Variants in DCAF6 observed in about 807,000 individuals in gnomAD.
DCAF6 encodes the protein DDB1- and CUL4-associated factor 6.
A neutral mutation model predicts 125.1 loss-of-function variants in DCAF6; 54 were observed. The ratio of observed to expected loss-of-function variants is 0.43; its 90% CI spans 0.35 to 0.54. The LOEUF (loss-of-function observed/expected upper bound fraction) is 0.54, where lower values mean the gene tolerates loss of function less well. Ranked by LOEUF, DCAF6 falls within the 20% of genes least tolerant of loss-of-function variation. The pLI, the probability that DCAF6 is intolerant of heterozygous loss-of-function variation, is 0.01. For synonymous variants in DCAF6, 371 were observed against 390.4 expected, an observed-to-expected ratio of 0.95 and a Z score of 0.58; for missense variants, 934 against 1,161.7, an observed-to-expected ratio of 0.80 and a Z score of 2.85.
intron 12 of DCAF6, among the ~76,000 whole-genome samples, chr1:168,036,373 C>A (rs138550377): frequency 0.019 from 2,831 of 152,286 alleles, 77 homozygotes; most frequent in African/African-American, 0.064. Context: ...GAAATTCAGT[C>A]TTACACTTCT....
chr1:168,013,986 G>A lies in DCAF6; in HGVS notation c.1379-1795G>A, dbSNP rs1202907340. Among the ~76,000 whole-genome samples the A allele has an allele frequency of 2.0e-5, 3 of 151,988 alleles. No homozygotes were observed. The South Asian group carries it at 6.2e-4, about 32-fold the overall frequency. On this transcript the variant is annotated intron_variant, in intron 10 of 21. Coordinates refer to ENST00000367840, the MANE Select transcript of DCAF6 (RefSeq NM_001198956.2). The stretch of plus-strand genomic sequence containing the variant: ...CTCCTGAGCTCAAAGTGATACTCTC[G>A]CCTTGGTCTCCCAAAGTGCTGGGAT...
At chr1:168,000,555 T>C (rs528989097) in intron 7 of DCAF6, among the ~76,000 whole-genome samples, 3 of 152,308 alleles carry the variant, frequency 2.0e-5, no homozygotes, top group African/African-American at 7.2e-5. Flanking sequence ...AACTTGTACA[T>C]ATGCTTAATT....
the DCAF6 span, chr1:167,920,684 T>C: frequency 6.5e-7 from 1 of 1,535,234 alleles, no homozygotes; most frequent in Non-Finnish European, 8.8e-7. Context: ...GGAGTAATAG[T>C]TTTAACTTTA....
chr1:168,069,954 T>G (rs1044936299), intron 21 of DCAF6, among the ~76,000 whole-genome samples: 1 of 152,162 alleles, frequency 6.6e-6, no homozygotes, highest in Non-Finnish European at 1.5e-5. Flanking sequence ...AGAAAAACGT[T>G]TACTGGTAAT....
At position 168,038,430 on chromosome 1, in the gene DCAF6, C is replaced by T. The variant is rs1457227083; in HGVS notation, c.1669C>T (p.His557Tyr). 6.8e-6 allele frequency: 11 copies of T among 1,611,626 alleles called. No homozygotes were observed. Among genetic ancestry groups the T allele is most frequent in the Non-Finnish European group, 9.3e-6 (11 of 1,178,992 alleles). ...GACAGGTGAACCAGTTTTAAGTTTG[C>T]ACTACAGCACAGAAGGAACAACTAC... ...PGTGEPVLSLHYSTEGTTTST... is the reference protein window; with the variant it reads ...PGTGEPVLSLYYSTEGTTTST... The change falls in exon 13 of 22, where the codon CAC becomes TAC. Residue 557 changes from histidine to tyrosine, a missense_variant. Physicochemically the swap from His to Tyr is moderately conservative, Grantham distance 83. Around this residue, in one of 5 missense-constraint regions of DCAF6, gnomAD observed 559 missense variants for 635.5 expected, o/e 0.88. Transcript: ENST00000367840.
At chr1:167,913,296 AG>A in the DCAF6 span, among the ~76,000 whole-genome samples, 1 of 152,228 alleles carries the variant, frequency 6.6e-6, no homozygotes, top group Admixed American at 6.5e-5. Context: ...AAGAGAAATT[AG>A]GGTTCGATTA....
At chr1:167,919,332 G>T in the DCAF6 span, among the ~76,000 whole-genome samples, 11 of 152,120 alleles carry the variant, frequency 7.2e-5, no homozygotes, top group African/African-American at 2.4e-4. Context: ...GCTTATAATG[G>T]AATGGAGAGT....
intron 2 of DCAF6, among the ~76,000 whole-genome samples, chr1:167,960,339 C>A (rs1675392486): frequency 6.6e-6 from 1 of 152,002 alleles, no homozygotes; most frequent in Admixed American, 6.6e-5. Context: ...CGGCCTCTTG[C>A]CCAGGCTGGA....
chr1:167,912,762 A>C, the DCAF6 span, among the ~76,000 whole-genome samples: 3 of 152,168 alleles, frequency 2.0e-5, no homozygotes, highest in Admixed American at 2.0e-4. Flanking sequence ...CGGGATGAGG[A>C]CTAAGAACCT....
At position 167,975,026 on chromosome 1, in the gene DCAF6, A is replaced by G; in HGVS notation, c.438+11A>G. 1 of 1,534,104 alleles carries G rather than the reference A, an allele frequency of 6.5e-7. No individual in the cohort carries two copies. Among genetic ancestry groups the G allele is most frequent in the South Asian group, 1.3e-5 (1 of 77,048 alleles). On this transcript the variant is annotated intron_variant, in intron 4 of 21. Transcript: ENST00000367840. ...GGAACTACTTATGAGGTATGGTATT[A>G]TTATGATTATATGATATATATGTAA...
chr1:168,012,906 C>G (rs1295200931), intron 10 of DCAF6, among the ~76,000 whole-genome samples: 2 of 152,066 alleles, frequency 1.3e-5, no homozygotes, highest in Non-Finnish European at 2.9e-5. Flanking sequence ...CTGTTTGCCA[C>G]TTCACCAAGT....
chr1:167,898,624 A>G, the DCAF6 span, among the ~76,000 whole-genome samples: 1 of 151,878 alleles, frequency 6.6e-6, no homozygotes, highest in Non-Finnish European at 1.5e-5. Flanking sequence ...AGAATGATTG[A>G]AGAGCATGGG....
chr1:167,970,623 C>CT (rs1372796213), intron 3 of DCAF6, among the ~76,000 whole-genome samples: 2 of 141,852 alleles, frequency 1.4e-5, no homozygotes, highest in African/African-American at 4.9e-5. Flanking sequence ...GAGCTGATAT[C>CT]TTAAAAAAAA....
At chr1:167,870,383 A>T in the DCAF6 span, 47 of 1,611,844 alleles carry the variant, frequency 2.9e-5, no homozygotes, top group East Asian at 7.4e-4. Flanking sequence ...CATAGTATAC[A>T]TGAAGTAGTT....
At chr1:168,050,007 C>T (rs1259187713) in intron 16 of DCAF6, among the ~76,000 whole-genome samples, 1 of 147,116 alleles carries the variant, frequency 6.8e-6, no homozygotes, top group Non-Finnish European at 1.5e-5. Flanking sequence ...AGTGATTTGA[C>T]GGCCTGATTG....
At chr1:167,890,889 A>C in the DCAF6 span, among the ~76,000 whole-genome samples, 1 of 152,202 alleles carries the variant, frequency 6.6e-6, no homozygotes, top group African/African-American at 2.4e-5. Flanking sequence ...AGCTTTCCCA[A>C]GGTCACATAA....
the DCAF6 span, among the ~76,000 whole-genome samples, chr1:167,902,354 T>C: frequency 4.6e-5 from 7 of 152,158 alleles, no homozygotes; most frequent in Non-Finnish European, 8.8e-5. Flanking sequence ...CCTCCCACGA[T>C]AATGGAATGC....
chr1:168,044,523 G>A, intron 14 of DCAF6, 62 bp from the exon 15 acceptor site: 1 of 1,220,554 alleles, frequency 8.2e-7, no homozygotes, highest in South Asian at 1.3e-5. Flanking sequence ...GGTATTTTCA[G>A]CGATTTTAGA....
At chr1:167,977,528 G>A (rs1161165708) in intron 4 of DCAF6, among the ~76,000 whole-genome samples, 1 of 151,582 alleles carries the variant, frequency 6.6e-6, no homozygotes. Context: ...TTCTTTGCCG[G>A]GTTTTTTTCT....
Sources: gnomAD v4.1 joint callset for allele counts (sites outside exome capture counted in the v4.1 genomes callset) on GRCh38, gnomAD v4.1.1 for gene constraint, gnomAD v4.1.1 regional missense constraint, MANE v1.5 for transcripts, NCBI Gene and HGNC (gene_info 2026-07-23, HGNC 2026-07-21) for gene names.